Variants in EPHA6 observed in about 807,000 individuals in gnomAD.
The protein encoded by EPHA6 is ephrin type-A receptor 6.
EPHA6 carries 50 observed loss-of-function variants against 112.0 expected under a neutral mutation model. The ratio of observed to expected loss-of-function variants is 0.45; its 90% CI spans 0.36 to 0.56. The LOEUF (loss-of-function observed/expected upper bound fraction) is 0.56. EPHA6 is among the 20% of genes least tolerant of loss of function. The pLI is 0.00. For synonymous variants in EPHA6, 529 were observed against 490.7 expected (o/e 1.08, Z -1.03); for missense variants, 1,280 against 1,417.4 (o/e 0.90, Z 1.56).
rs149721718 is a variant in EPHA6, at chr3:97,002,115, G to A, written c.1114+14122G>A. Among the ~76,000 whole-genome samples, 7 of 151,416 alleles carry A rather than the reference G, an allele frequency of 4.6e-5. No homozygotes were observed. In the East Asian group the frequency reaches 7.7e-4, roughly 17 times the overall value. ...AGGATTGGTTATTTTTTACCGCCTC[G>A]TAATTAAGGAGCCTATATTCTTTAT... On this transcript the variant is annotated intron_variant, in intron 3 of 17. Coordinates refer to ENST00000389672, the MANE Select transcript of EPHA6 (RefSeq NM_001080448.3).
chr3:97,366,648 G>T (rs1160066027), intron 5 of EPHA6, among the ~76,000 whole-genome samples: 3 of 151,304 alleles, frequency 2.0e-5, no homozygotes, highest in Non-Finnish European at 4.4e-5. Context: ...AGAGGGGAAA[G>T]AACAAGGATA....
chr3:97,002,976 G>A (rs1225249444), intron 3 of EPHA6, among the ~76,000 whole-genome samples: 1 of 152,068 alleles, frequency 6.6e-6, no homozygotes, highest in Non-Finnish European at 1.5e-5. Flanking sequence ...TAAAACAATG[G>A]TGAAATTGAC....
chr3:97,652,424 G>A (rs977473089), intron 14 of EPHA6, among the ~76,000 whole-genome samples: 3 of 151,966 alleles, frequency 2.0e-5, no homozygotes, highest in Non-Finnish European at 2.9e-5. Context: ...AAATTTGGAT[G>A]TTTTCAATGA....
intron 14 of EPHA6, among the ~76,000 whole-genome samples, chr3:97,697,731 AG>A (rs1410541228): frequency 6.6e-6 from 1 of 152,092 alleles, no homozygotes; most frequent in Non-Finnish European, 1.5e-5. Flanking sequence ...TACTCGACTG[AG>A]CTGACAGGAT....
At chr3:97,613,339 G>A (rs1430272265) in intron 13 of EPHA6, among the ~76,000 whole-genome samples, 1 of 152,138 alleles carries the variant, frequency 6.6e-6, no homozygotes, top group Non-Finnish European at 1.5e-5. Context: ...GGAGGAAGTG[G>A]CTAAGTGCAC....
chr3:97,374,218 T>A (rs1347766125), intron 5 of EPHA6, among the ~76,000 whole-genome samples: 1 of 152,142 alleles, frequency 6.6e-6, no homozygotes, highest in South Asian at 2.1e-4. Context: ...GCTGCCCACA[T>A]CCACAGTTGC....
At chr3:96,821,540 G>A (rs1212239055) in intron 1 of EPHA6, among the ~76,000 whole-genome samples, 1 of 151,686 alleles carries the variant, frequency 6.6e-6, no homozygotes, top group Admixed American at 6.6e-5. Flanking sequence ...TATATGACTA[G>A]GCAGTGTATT....
chr3:97,388,919 A>C (rs2086236750), intron 5 of EPHA6, among the ~76,000 whole-genome samples: 1 of 152,176 alleles, frequency 6.6e-6, no homozygotes. Flanking sequence ...GTGTTAGGCC[A>C]GGAAACACCA....
intron 10 of EPHA6, among the ~76,000 whole-genome samples, chr3:97,526,314 A>C (rs1029147829): frequency 1.3e-5 from 2 of 152,240 alleles, no homozygotes; most frequent in African/African-American, 4.8e-5. Flanking sequence ...CCACTGTGGA[A>C]CAGAGGTTGG....
At chr3:96,927,068 G>C (rs1338162773) in intron 2 of EPHA6, among the ~76,000 whole-genome samples, 3 of 152,206 alleles carry the variant, frequency 2.0e-5, no homozygotes. Flanking sequence ...TGAAATGCAG[G>C]CAGAGGTTCC....
At chr3:97,326,620 C>T (rs975255769) in intron 5 of EPHA6, among the ~76,000 whole-genome samples, 4 of 151,992 alleles carry the variant, frequency 2.6e-5, no homozygotes, top group African/African-American at 9.7e-5. Flanking sequence ...TAACTTGAAG[C>T]AGAAATATGT....
intron 12 of EPHA6, among the ~76,000 whole-genome samples, chr3:97,600,564 C>G (rs559978612): frequency 1.3e-5 from 2 of 152,020 alleles, no homozygotes; most frequent in African/African-American, 4.8e-5. Context: ...GAAAACTCAG[C>G]CATTATTTAA....
intron 14 of EPHA6, among the ~76,000 whole-genome samples, chr3:97,686,944 A>T (rs1203534058): frequency 6.6e-6 from 1 of 152,108 alleles, no homozygotes; most frequent in Non-Finnish European, 1.5e-5. Flanking sequence ...TGTGGGGGGA[A>T]ATTCTTTCTG....
At chr3:96,930,990 T>TC (rs1358454052) in intron 2 of EPHA6, among the ~76,000 whole-genome samples, 2 of 3,188 alleles carry the variant, frequency 6.3e-4, no homozygotes, top group Non-Finnish European at 1.1e-3. Context: ...AGACTCTGTC[T>TC]CCAAAAAAAA....
At chr3:97,705,232 C>T (rs1280080939) in intron 14 of EPHA6, among the ~76,000 whole-genome samples, 3 of 152,050 alleles carry the variant, frequency 2.0e-5, no homozygotes, top group Non-Finnish European at 4.4e-5. Flanking sequence ...CTTACATTCT[C>T]CTCTCTACCT....
At chr3:97,064,959 G>A (rs748033979) in intron 3 of EPHA6, among the ~76,000 whole-genome samples, 24 of 151,998 alleles carry the variant, frequency 1.6e-4, no homozygotes, top group Admixed American at 2.6e-4. Context: ...TTTTTTCATG[G>A]TTGTTTACTG....
chr3:97,561,786 C>G (rs1328171276), intron 11 of EPHA6, among the ~76,000 whole-genome samples: 1 of 152,098 alleles, frequency 6.6e-6, no homozygotes, highest in Non-Finnish European at 1.5e-5. Flanking sequence ...AAGTTAGTGT[C>G]TGGCTTCAAA....
At chr3:97,440,979 G>A (rs928809392) in intron 6 of EPHA6, among the ~76,000 whole-genome samples, 5 of 151,942 alleles carry the variant, frequency 3.3e-5, no homozygotes, top group South Asian at 2.1e-4. Flanking sequence ...TGAATATAGC[G>A]TAAAATAATT....
At chr3:97,713,052 T>A (rs2034049490) in intron 14 of EPHA6, among the ~76,000 whole-genome samples, 1 of 151,208 alleles carries the variant, frequency 6.6e-6, no homozygotes, top group South Asian at 2.1e-4. Context: ...GTGTATTTCA[T>A]AATCAGATGG....
Sources: allele counts gnomAD v4.1 joint callset (sites outside exome capture counted in the v4.1 genomes callset), GRCh38; gene constraint gnomAD v4.1.1; transcripts MANE v1.5; gene names NCBI Gene and HGNC (gene_info 2026-07-23, HGNC 2026-07-21).